Variants in LRBA observed in about 807,000 individuals in gnomAD.
LRBA encodes lipopolysaccharide-responsive and beige-like anchor protein.
LRBA carries 176 observed loss-of-function variants against 330.0 expected under a neutral mutation model. The observed-to-expected ratio is 0.53, with a 90% CI of 0.47 to 0.60. LRBA has a LOEUF of 0.60. Among genes scored for constraint, LRBA ranks in the 20% least tolerant of loss-of-function variants. LRBA has a pLI of 0.00. For missense variants in LRBA, 3,259 were observed against 3,444.8 expected (o/e 0.95, Z 1.35); for synonymous variants, 1,230 against 1,193.0 (o/e 1.03, Z -0.64).
chr4:150,605,211 T>C lies in LRBA; in HGVS notation c.5922-6080A>G, dbSNP rs370322729. Among the ~76,000 whole-genome samples the C allele has an allele frequency of 5.3e-5, 8 of 152,300 alleles. No individual in the cohort carries two copies. In the South Asian group the frequency reaches 1.4e-3, roughly 28 times the overall value. ...CCAGTTATTCTACAACCTAGATGAA[T>C]TGGCACCTATTATCAAATGAGTCAA... On this transcript the variant is annotated intron_variant, in intron 37 of 56. Transcript: ENST00000651943.
At chr4:150,309,657 G>T (rs1199107241) in intron 52 of LRBA, among the ~76,000 whole-genome samples, 2 of 152,032 alleles carry the variant, frequency 1.3e-5, no homozygotes. Context: ...TGTCCCTTAG[G>T]GAGATGCATG....
At chr4:150,477,428 C>T (rs1375788606) in intron 42 of LRBA, among the ~76,000 whole-genome samples, 1 of 152,028 alleles carries the variant, frequency 6.6e-6, no homozygotes, top group African/African-American at 2.4e-5. Context: ...AAGAAGGAAG[C>T]ACCTTCTTCA....
rs1221077389 is a variant in LRBA at position 150,828,207 on chromosome 4, T to C, written c.5144A>G (p.Gln1715Arg). 1 of 1,614,096 alleles carries C rather than the reference T, an allele frequency of 6.2e-7. No individual in the cohort carries two copies. Among genetic ancestry groups the C allele is most frequent in the South Asian group, 1.1e-5 (1 of 91,078 alleles). ...GTCAAAAGATCTGAACTGCACGGGT[T>C]GTTCCACAGATAGATCACCAAGGGC... ...LGALGDLSVE[Q>R]PVQFRSFDRS... Residue 1715 changes from glutamine to arginine, a missense_variant, in exon 30 of 57, where the codon CAA becomes CGA. By Grantham distance (43) the Gln-to-Arg change is conservative. Transcript: ENST00000651943.
intron 40 of LRBA, chr4:150,579,324 C>G: frequency 4.4e-6 from 2 of 454,644 alleles, no homozygotes; most frequent in Admixed American, 2.4e-5. Flanking sequence ...AAAGGCGCAG[C>G]TGAAGCTGCT....
At chr4:150,955,344 A>G (rs1737420570) in intron 2 of LRBA, among the ~76,000 whole-genome samples, 1 of 149,488 alleles carries the variant, frequency 6.7e-6, no homozygotes, top group African/African-American at 2.6e-5. Context: ...ATACAACATG[A>G]CAAAATGTAT....
At chr4:150,535,160 G>A (rs539455672) in intron 40 of LRBA, among the ~76,000 whole-genome samples, 1 of 152,110 alleles carries the variant, frequency 6.6e-6, no homozygotes, top group East Asian at 1.9e-4. Flanking sequence ...TAGAGATAGT[G>A]TCTTTCTCTG....
At chr4:150,537,233 TG>T (rs1410979692) in intron 40 of LRBA, among the ~76,000 whole-genome samples, 2 of 152,218 alleles carry the variant, frequency 1.3e-5, no homozygotes, top group Non-Finnish European at 2.9e-5. Context: ...GCGAAAGGAC[TG>T]CCTATTTAAT....
chr4:150,803,066 C>CAA (rs763112831), intron 33 of LRBA, among the ~76,000 whole-genome samples: 69 of 54,564 alleles, frequency 1.3e-3, no homozygotes, highest in South Asian at 2.0e-3. Context: ...CAAAAACAAA[C>CAA]AAAAAAAAAA....
chr4:150,903,253 C>T (rs949379500), intron 13 of LRBA, among the ~76,000 whole-genome samples: 8 of 151,986 alleles, frequency 5.3e-5, no homozygotes, highest in African/African-American at 1.5e-4. Flanking sequence ...GGAATGGTGG[C>T]GCACACCTGC....
chr4:150,864,086 C>A (rs1316923315), intron 22 of LRBA, among the ~76,000 whole-genome samples: 3 of 152,084 alleles, frequency 2.0e-5, no homozygotes, highest in Non-Finnish European at 4.4e-5. Flanking sequence ...TACAGGCACT[C>A]ACCACCACGC....
At chr4:150,902,148 G>C (rs1450144566) in intron 13 of LRBA, among the ~76,000 whole-genome samples, 1 of 152,048 alleles carries the variant, frequency 6.6e-6, no homozygotes, top group Non-Finnish European at 1.5e-5. Context: ...TTAATTCAGA[G>C]GACAGATAAA....
chr4:150,874,069 TTAATA>T (rs1257846419), intron 17 of LRBA, among the ~76,000 whole-genome samples: 5 of 152,188 alleles, frequency 3.3e-5, no homozygotes, highest in African/African-American at 1.2e-4. Flanking sequence ...AAAAGAAATA[TTAATA>T]TAATACCAGT....
At chr4:150,351,464 C>T (rs141258177) in intron 47 of LRBA, among the ~76,000 whole-genome samples, 21 of 151,976 alleles carry the variant, frequency 1.4e-4, no homozygotes, top group South Asian at 6.3e-4. Context: ...CTGAGGTGGG[C>T]GGATCACGAG....
chr4:150,437,494 T>G (rs1751268501), intron 44 of LRBA, among the ~76,000 whole-genome samples: 1 of 134,264 alleles, frequency 7.4e-6, no homozygotes, highest in African/African-American at 2.6e-5. Flanking sequence ...CGGCATGAAC[T>G]CTCTCTCTCT....
At chr4:150,576,537 T>C (rs1770571958) in intron 40 of LRBA, among the ~76,000 whole-genome samples, 2 of 151,954 alleles carry the variant, frequency 1.3e-5, no homozygotes, top group South Asian at 4.1e-4. Flanking sequence ...ACAAGTCCCT[T>C]ACTCTATCAT....
At chr4:150,335,464 T>TATATATATATAC (rs1734559633) in intron 48 of LRBA, among the ~76,000 whole-genome samples, 2 of 133,866 alleles carry the variant, frequency 1.5e-5, no homozygotes, top group African/African-American at 5.6e-5. Flanking sequence ...TGTATATATG[T>TATATATATATAC]GTATATATAT....
chr4:150,539,802 G>T (rs1765119328), intron 40 of LRBA, among the ~76,000 whole-genome samples: 1 of 152,152 alleles, frequency 6.6e-6, no homozygotes, highest in African/African-American at 2.4e-5. Flanking sequence ...TAGAAAAGGT[G>T]TTGCCGAGAA....
chr4:150,905,401 TAAAAA>T (rs994063673), intron 13 of LRBA, among the ~76,000 whole-genome samples: 1 of 140,378 alleles, frequency 7.1e-6, no homozygotes, highest in Non-Finnish European at 1.6e-5. Flanking sequence ...TCTTAAGAAA[TAAAAA>T]AAAAAGAAAA....
intron 46 of LRBA, among the ~76,000 whole-genome samples, chr4:150,417,124 G>A (rs1042471513): frequency 2.0e-5 from 3 of 151,822 alleles, no homozygotes; most frequent in Admixed American, 6.6e-5. Context: ...TATACAAAGT[G>A]ATTTTTAAAA....
Sources: allele counts gnomAD v4.1 joint callset (sites outside exome capture counted in the v4.1 genomes callset), GRCh38; gene constraint gnomAD v4.1.1; transcripts MANE v1.5; gene names NCBI Gene and HGNC (gene_info 2026-07-23, HGNC 2026-07-21).